The following PRCP variants were observed in gnomAD, a reference collection of about 807,000 sequenced individuals.
The protein encoded by PRCP is lysosomal Pro-X carboxypeptidase.
PRCP carries 46 observed loss-of-function variants against 54.2 expected under a neutral mutation model. That is an observed-to-expected ratio of 0.85 (90% CI 0.67 to 1.09). The LOEUF (loss-of-function observed/expected upper bound fraction) is 1.09. Among genes scored for constraint, PRCP ranks in the 50% least tolerant of loss-of-function variants. The pLI is 0.00. For missense variants in PRCP, 613 were observed against 596.8 expected, an observed-to-expected ratio of 1.03 and a Z score of -0.28; for synonymous variants, 240 against 212.2, an observed-to-expected ratio of 1.13 and a Z score of -1.14.
At chr11:82,884,276 G>A (rs549511987) in intron 1 of PRCP, among the ~76,000 whole-genome samples, 1 of 152,118 alleles carries the variant, frequency 6.6e-6, no homozygotes, top group Non-Finnish European at 1.5e-5. Context: ...AATATCATTT[G>A]TGCTGGGCAC....
chr11:82,895,537 G>A (rs952787356), intron 1 of PRCP, among the ~76,000 whole-genome samples: 2 of 152,070 alleles, frequency 1.3e-5, no homozygotes, highest in African/African-American at 4.8e-5. Flanking sequence ...TTTAGATCAA[G>A]GTCAATCCAT....
chr11:82,839,691 C>G, intron 6 of PRCP: 1 of 398,180 alleles, frequency 2.5e-6, no homozygotes, highest in Non-Finnish European at 4.5e-6. Flanking sequence ...TTCCTCTTTG[C>G]TGCCTTTGCT....
chr11:82,827,514 A>C (rs1858266491), intron 8 of PRCP: 1 of 152,072 alleles, frequency 6.6e-6, no homozygotes. Context: ...TTGTTGAAAA[A>C]ACTATTCTTT....
chr11:82,873,299 CAACA>C lies in PRCP; in HGVS notation c.169-13186_169-13183del, dbSNP rs988365533. 5.2e-4 allele frequency among the ~76,000 whole-genome samples: 79 copies of C among 152,126 alleles called. 7 individuals are homozygous for C. The highest frequency in any genetic ancestry group is 2.9e-5 in the Non-Finnish European group (2 of 68,010). On this transcript the variant is annotated intron_variant, in intron 1 of 8. Coordinates refer to ENST00000313010, the MANE Select transcript of PRCP (RefSeq NM_005040.4). The stretch of plus-strand genomic sequence containing the variant: ...TATGACATCAGCAGTATTCGTTTAA[CAACA>C]ATCAACAAAAGGAAGTCTTTTGAAC...
At chr11:82,884,739 T>C in intron 1 of PRCP, 5 of 1,591,968 alleles carry the variant, frequency 3.1e-6, no homozygotes, top group Non-Finnish European at 3.4e-6. Flanking sequence ...TTCAGTGCCA[T>C]CTTGGCCATT....
At chr11:82,834,461 G>C (rs550965848) in intron 8 of PRCP, among the ~76,000 whole-genome samples, 4 of 152,180 alleles carry the variant, frequency 2.6e-5, no homozygotes, top group African/African-American at 9.6e-5. Flanking sequence ...TGAGAACAAG[G>C]AATACAACGT....
At position 82,884,064 on chromosome 11, in the gene PRCP, C is replaced by A. The variant is rs1202103072; in HGVS notation, c.168+16171G>T. Among the ~76,000 whole-genome samples the A allele has an allele frequency of 2.6e-5, 4 of 152,188 alleles. No homozygotes were observed. The South Asian group carries it at 6.2e-4, about 24-fold the overall frequency. On this transcript the variant is annotated intron_variant, in intron 1 of 8. Transcript: ENST00000313010. ...AGAGATTTCCGACAGTTTTAAAGGA[C>A]AGTGTCTGCAGTGTGACCCACAGTT...
chr11:82,842,072 T>A (rs771788830), intron 6 of PRCP, among the ~76,000 whole-genome samples: 1 of 152,130 alleles, frequency 6.6e-6, no homozygotes, highest in Non-Finnish European at 1.5e-5. Flanking sequence ...GAGGTAGTGA[T>A]GTGCAGCAAC....
intron 1 of PRCP, among the ~76,000 whole-genome samples, chr11:82,887,816 C>T (rs189654010): frequency 1.6e-4 from 25 of 152,230 alleles, no homozygotes; most frequent in Admixed American, 1.4e-3. Flanking sequence ...ATCTTAAGAC[C>T]GTCATTCCAA....
At chr11:82,852,033 A>G (rs536960758) in intron 3 of PRCP, among the ~76,000 whole-genome samples, 10 of 152,330 alleles carry the variant, frequency 6.6e-5, no homozygotes, top group African/African-American at 2.2e-4. Context: ...GAAGTATATC[A>G]AAAAGAGCCC....
intron 1 of PRCP, among the ~76,000 whole-genome samples, chr11:82,892,101 T>C (rs572807914): frequency 3.3e-5 from 5 of 152,190 alleles, no homozygotes; most frequent in Non-Finnish European, 7.4e-5. Context: ...TATGAACTAA[T>C]AAGTGGACAC....
At chr11:82,834,765 G>C (rs552265774) in intron 8 of PRCP, among the ~76,000 whole-genome samples, 2 of 152,322 alleles carry the variant, frequency 1.3e-5, no homozygotes, top group Non-Finnish European at 2.9e-5. Context: ...GGAGTAGGGG[G>C]AAAGAGAGCA....
intron 8 of PRCP, 80 bp from the exon 9 acceptor site, chr11:82,825,202 A>G: frequency 8.1e-7 from 1 of 1,227,838 alleles, no homozygotes; most frequent in Non-Finnish European, 1.1e-6. Flanking sequence ...GAAACCTATT[A>G]CATGTTTAAC....
At chr11:82,887,133 T>G (rs1859879009) in intron 1 of PRCP, among the ~76,000 whole-genome samples, 1 of 152,206 alleles carries the variant, frequency 6.6e-6, no homozygotes, top group African/African-American at 2.4e-5. Context: ...CTTTATCATC[T>G]CCCTTCTTCT....
chr11:82,831,653 G>A (rs751923036), intron 8 of PRCP, among the ~76,000 whole-genome samples: 21 of 152,112 alleles, frequency 1.4e-4, no homozygotes, highest in Non-Finnish European at 2.6e-4. Flanking sequence ...GGATTCATGT[G>A]AGGCAGCCTA....
intron 6 of PRCP, chr11:82,843,134 T>A (rs3793983): frequency 0.52 from 79,233 of 151,938 alleles, 21,615 homozygotes; most frequent in African/African-American, 0.69. Flanking sequence ...ATATATCAAG[T>A]CCTCATCTTT....
chr11:82,846,001 A>G (rs1858798802), intron 6 of PRCP: 1 of 152,248 alleles, frequency 6.6e-6, no homozygotes. Flanking sequence ...TGACACGGAA[A>G]ATGGCATTTA....
Position 82,877,385 on chromosome 11 carries a change from GA to G in PRCP, c.169-17269del, listed in dbSNP as rs371948416. Among the ~76,000 whole-genome samples the G allele has an allele frequency of 7.5e-3, 1,148 of 152,220 alleles. 22 individuals carry two copies. The highest frequency in any genetic ancestry group is 0.026 in the African/African-American group (1,088 of 41,536). ...CAATGTTAATCCCCAAGACCATGGG[GA>G]AAATGTCTCCAGGCCATGTCAGAGA... On this transcript the variant is annotated intron_variant, in intron 1 of 8. Transcript: ENST00000313010.
At chr11:82,878,001 G>A (rs1243565574) in intron 1 of PRCP, among the ~76,000 whole-genome samples, 1 of 152,192 alleles carries the variant, frequency 6.6e-6, no homozygotes, top group Non-Finnish European at 1.5e-5. Context: ...CAAGACCATG[G>A]GAACCCACCT....
Sources: gnomAD v4.1 joint callset for allele counts (sites outside exome capture counted in the v4.1 genomes callset) on GRCh38, gnomAD v4.1.1 for gene constraint, MANE v1.5 for transcripts, NCBI Gene and HGNC (gene_info 2026-07-23, HGNC 2026-07-21) for gene names.